The following APBB1 variants were observed in gnomAD, a reference collection of about 807,000 sequenced individuals.
The protein encoded by APBB1 is adaptor protein FE65a2.
APBB1 carries 22 observed loss-of-function variants against 78.4 expected under a neutral mutation model. That is an observed-to-expected ratio of 0.28 (90% CI 0.20 to 0.40). APBB1 has a LOEUF of 0.40. APBB1 is among the 10% of genes least tolerant of loss of function. The probability of loss-of-function intolerance (pLI) is 1.00; values close to 1 mark genes in which losing one functional copy is unlikely to be tolerated. For synonymous variants in APBB1, 369 were observed against 372.7 expected, an observed-to-expected ratio of 0.99 and a Z score of 0.12; for missense variants, 749 against 932.4, an observed-to-expected ratio of 0.80 and a Z score of 2.56.
chr11:6,397,065 C>A (rs1490217777), intron 12 of APBB1, among the ~76,000 whole-genome samples: 1 of 152,234 alleles, frequency 6.6e-6, no homozygotes, highest in Non-Finnish European at 1.5e-5. Flanking sequence ...TTTGCTTGCA[C>A]TCAGCAGAGC....
rs79863050 is a variant in APBB1, at chr11:6,417,969, T to C, written c.-15+1016A>G. On this transcript the variant is annotated intron_variant, in intron 1 of 14. Transcript: ENST00000609360. ...GAGCAGCTGGACATATGAGTCTGGATTTCAGGAAAGAAGTCTGGGCTGGAT... is the reference window on the plus strand; with the variant it reads ...GAGCAGCTGGACATATGAGTCTGGACTTCAGGAAAGAAGTCTGGGCTGGAT... Among the ~76,000 whole-genome samples, 1,405 of 152,340 alleles carry C rather than the reference T, an allele frequency of 9.2e-3. 29 individuals are homozygous for C. Among genetic ancestry groups the C allele is most frequent in the African/African-American group, 0.032 (1,347 of 41,564 alleles).
Position 6,403,123 on chromosome 11 carries a change from T to G in APBB1, c.1104+22A>C. 1 of 1,595,086 alleles carries G rather than the reference T, an allele frequency of 6.3e-7. No individual in the cohort carries two copies. The highest frequency in any genetic ancestry group is 8.5e-7 in the Non-Finnish European group (1 of 1,171,528). The stretch of plus-strand genomic sequence containing the variant: ...AAATAAGAGGGCCCCAGACTCAGAA[T>G]GGGTGTCAGTCTTGAACAAACCTTG... On this transcript the variant is annotated intron_variant, in intron 6 of 14. Transcript: ENST00000609360. This position sits in a 1 kb window ranked among gnomAD's most constrained non-coding sequence, Gnocchi z 5.3.
chr11:6,396,056 C>T lies in APBB1; in HGVS notation c.1788+44G>A. Reference sequence around the variant, plus strand: ...CTCTTCCCCTCACCCCCAGTCTCCCCTCTATGGCAAGGCGCAGCCACGACT... The same window carrying T: ...CTCTTCCCCTCACCCCCAGTCTCCCTTCTATGGCAAGGCGCAGCCACGACT... On this transcript the variant is annotated intron_variant, in intron 13 of 14. Coordinates refer to ENST00000609360, the MANE Select transcript of APBB1 (RefSeq NM_001164.5). 3 of 1,601,354 alleles carry T rather than the reference C, an allele frequency of 1.9e-6. No homozygotes were observed. In the Admixed American group the frequency reaches 5.2e-5, roughly 28 times the overall value.
In APBB1 at chr11:6,412,245, C is replaced by T. The variant is rs184359732; in HGVS notation, c.-14-884G>A. 1.8e-3 allele frequency among the ~76,000 whole-genome samples: 270 copies of T among 152,284 alleles called. 3 individuals carry two copies. The highest frequency in any genetic ancestry group is 3.4e-3 in the Middle Eastern group (1 of 294). On this transcript the variant is annotated intron_variant, in intron 1 of 14. Coordinates refer to ENST00000609360, the MANE Select transcript of APBB1 (RefSeq NM_001164.5). Reference sequence around the variant, plus strand: ...TTGGCTCACTGCAACCTCTGCCTCTCGGGTTCAAGTGATTCTCCTGCCTCA... The same window carrying T: ...TTGGCTCACTGCAACCTCTGCCTCTTGGGTTCAAGTGATTCTCCTGCCTCA...
Position 6,402,717 on chromosome 11 carries a change from G to A in APBB1, c.1113C>T (p.Ala371=), listed in dbSNP as rs148143455. The change falls in exon 7 of 15, where the codon GCC becomes GCT. Residue 371 remains alanine (A), a synonymous_variant. Transcript: ENST00000609360. ...RNTNPGIKCF[A]VRSLGWVEMT... is the part of the protein sequence containing the mutation. ...TCTCTACCCAGCCTAGGGAGCGCAC[G>A]GCGAAACACTGCCAGACACAGAAGA... The A allele has an allele frequency of 6.2e-4, 999 of 1,614,110 alleles. 3 individuals carry two copies. In the African/African-American group the frequency reaches 0.01, roughly 16 times the overall value.
Position 6,395,361 on chromosome 11 carries a change from G to T in APBB1, c.*173C>A. The T allele has an allele frequency of 1.5e-6, 1 of 645,370 alleles. No homozygotes were observed. The allele number at this position is 645,370 out of a possible 1,614,324, so 40.0% of individuals were successfully genotyped here. Reference sequence around the variant, plus strand: ...ACCACTCCAGTGTTATCACTTCCTTGAAGGGATTAGATCTCTCCCTCCCCA... The same window carrying T: ...ACCACTCCAGTGTTATCACTTCCTTTAAGGGATTAGATCTCTCCCTCCCCA... On this transcript the variant is annotated 3_prime_UTR_variant, in exon 15 of 15. Transcript: ENST00000609360. The surrounding 1 kb of genome is among the most constrained non-coding windows in gnomAD (Gnocchi z 5.2).
Position 6,401,127 on chromosome 11 carries a change from C to A in APBB1, c.1589-55G>T. On this transcript the variant is annotated intron_variant, in intron 11 of 14. Transcript: ENST00000609360. The surrounding 1 kb of genome is among the most constrained non-coding windows in gnomAD (Gnocchi z 4.5). ...GTGGCAGACCTTGCTCACCCGCAGC[C>A]CCACCAGCAGGGCATAAGCTGGACA... 6.2e-7 allele frequency: 1 copy of A among 1,614,096 alleles called. No homozygotes were observed. The highest frequency in any genetic ancestry group is 8.5e-7 in the Non-Finnish European group (1 of 1,180,012).
intron 2 of APBB1, among the ~76,000 whole-genome samples, chr11:6,409,169 C>T (rs570945270): frequency 1.9e-3 from 287 of 152,066 alleles, no homozygotes; most frequent in African/African-American, 6.8e-3. Context: ...TTCTTGGGTT[C>T]GGATGATCCT....
At chr11:6,407,771 G>A (rs1848849066) in intron 2 of APBB1, among the ~76,000 whole-genome samples, 4 of 129,492 alleles carry the variant, frequency 3.1e-5, no homozygotes, top group African/African-American at 1.4e-4. Context: ...TTTAGTAGAA[G>A]TATTTTTTTT....
At position 6,401,185 on chromosome 11, in the gene APBB1, C is replaced by A; in HGVS notation, c.1589-113G>T. On this transcript the variant is annotated intron_variant, in intron 11 of 14. Transcript: ENST00000609360. The surrounding 1 kb of genome is among the most constrained non-coding windows in gnomAD (Gnocchi z 4.5). ...AGCCGAGGCCCTACTTTCATCTCGT[C>A]CCCTGCCTCCCTTTAACCGGAGTCC... The A allele has an allele frequency of 6.2e-7, 1 of 1,611,924 alleles. No individual in the cohort carries two copies. Among genetic ancestry groups the A allele is most frequent in the South Asian group, 1.1e-5 (1 of 90,692 alleles).
chr11:6,405,294 CA>C, intron 2 of APBB1: 3 of 990,712 alleles, frequency 3.0e-6, no homozygotes, highest in Non-Finnish European at 3.6e-6. Context: ...ACCTGCACAG[CA>C]GTTTGAACCC....
At chr11:6,412,569 G>A (rs1450737678) in intron 1 of APBB1, among the ~76,000 whole-genome samples, 1 of 152,066 alleles carries the variant, frequency 6.6e-6, no homozygotes, top group Non-Finnish European at 1.5e-5. Flanking sequence ...CTTCCCCAGC[G>A]CCTGTCACCA....
intron 1 of APBB1, among the ~76,000 whole-genome samples, chr11:6,417,901 A>G (rs773562930): frequency 1.1e-4 from 17 of 152,238 alleles, no homozygotes; most frequent in Admixed American, 6.5e-4. Context: ...CTTGGAATCT[A>G]TAGGTTTGGA....
Position 6,401,005 on chromosome 11 carries a change from A to G in APBB1, c.1656T>C (p.Pro552=), listed in dbSNP as rs1322347398. 3.7e-6 allele frequency: 6 copies of G among 1,614,180 alleles called. No homozygotes were observed. The highest frequency in any genetic ancestry group is 5.1e-6 in the Non-Finnish European group (6 of 1,180,002). The change falls in exon 12 of 15, where the codon CCT becomes CCC. Residue 552 remains proline, a synonymous_variant. Transcript: ENST00000609360. This position sits in a 1 kb window ranked among gnomAD's most constrained non-coding sequence, Gnocchi z 4.5. ...KFQVYYLGNV[P]VAKPVGVDVI... ...CACACATACCAACAGGTTTAGCAAC[A>G]GGTACATTCCCCAGGTAATAGACTT...
Position 6,401,691 on chromosome 11 carries a change from G to A in APBB1, c.1389-3C>T. The stretch of plus-strand genomic sequence containing the variant: ...CACGAGCTACGTAGGCAAAGTCCCT[G>A]TTGGGGAAGGGGCACCTCAGTGTCT... On this transcript the variant is annotated splice_region_variant and splice_polypyrimidine_tract_variant and intron_variant, in intron 9 of 14. Coordinates refer to ENST00000609360, the MANE Select transcript of APBB1 (RefSeq NM_001164.5). The surrounding 1 kb of genome is among the most constrained non-coding windows in gnomAD (Gnocchi z 4.5). 6.2e-7 allele frequency: 1 copy of A among 1,614,130 alleles called. No homozygotes were observed. Among genetic ancestry groups the A allele is most frequent in the South Asian group, 1.1e-5 (1 of 91,048 alleles).
In APBB1 at chr11:6,401,568, C is replaced by A. The variant is rs1444192271; in HGVS notation, c.1503+6G>T. On this transcript the variant is annotated splice_donor_region_variant and intron_variant, in intron 10 of 14. Coordinates refer to ENST00000609360, the MANE Select transcript of APBB1 (RefSeq NM_001164.5). This position sits in a 1 kb window ranked among gnomAD's most constrained non-coding sequence, Gnocchi z 4.5. The stretch of plus-strand genomic sequence containing the variant: ...CAACTAGTCCAGGGAGTGGAGGGGG[C>A]CGTGCCTTAGAGCAGATCTCATGCA... 4 of 1,614,138 alleles carry A rather than the reference C, an allele frequency of 2.5e-6. No homozygotes were observed. The East Asian group carries it at 8.9e-5, about 36-fold the overall frequency.
In APBB1 at chr11:6,395,334, T is replaced by A. The variant is rs1475998416; in HGVS notation, c.*200A>T. ...CTGGCCTTGCTTCCTGCTCCTCTTG[T>A]TACCACTCCAGTGTTATCACTTCCT... On this transcript the variant is annotated 3_prime_UTR_variant, in exon 15 of 15. Transcript: ENST00000609360. This position sits in a 1 kb window ranked among gnomAD's most constrained non-coding sequence, Gnocchi z 5.2. 4.0e-6 allele frequency: 2 copies of A among 505,988 alleles called. No individual in the cohort carries two copies. The highest frequency in any genetic ancestry group is 6.6e-6 in the Non-Finnish European group (2 of 303,008). 31.3% of individuals were successfully genotyped at this position (505,988 alleles called of 1,614,324 possible).
At position 6,403,920 on chromosome 11, in the gene APBB1, G is replaced by T; in HGVS notation, c.722-98C>A. 1 of 1,336,708 alleles carries T rather than the reference G, an allele frequency of 7.5e-7. No individual in the cohort carries two copies. Among genetic ancestry groups the T allele is most frequent in the Non-Finnish European group, 1.0e-6 (1 of 984,450 alleles). 82.8% of individuals were successfully genotyped at this position (1,336,708 alleles called of 1,614,324 possible). ...TCTGAGACCCCATGGTTGAGAAGGG[G>T]TGGTGGAAGAGCTATACCACAACAC... On this transcript the variant is annotated intron_variant, in intron 2 of 14. Transcript: ENST00000609360. The surrounding 1 kb of genome is among the most constrained non-coding windows in gnomAD (Gnocchi z 5.3).
chr11:6,402,878 G>C (rs1848601807), intron 6 of APBB1, 153 bp from the exon 7 acceptor site: 7 of 996,674 alleles, frequency 7.0e-6, no homozygotes, highest in Non-Finnish European at 1.0e-5. Flanking sequence ...GATGTGGTTA[G>C]GGTGAGGGAG....
Sources: allele counts gnomAD v4.1 joint callset (sites outside exome capture counted in the v4.1 genomes callset), GRCh38; gene constraint gnomAD v4.1.1; non-coding constraint Gnocchi (gnomAD v3.1); transcripts MANE v1.5; gene names NCBI Gene and HGNC (gene_info 2026-07-23, HGNC 2026-07-21).